Variants in ZBTB44 observed in about 807,000 individuals in gnomAD.
ZBTB44 encodes the protein zinc finger and BTB domain-containing protein 44.
ZBTB44 carries 15 observed loss-of-function variants against 54.0 expected under a neutral mutation model. The ratio of observed to expected loss-of-function variants is 0.28; its 90% CI spans 0.19 to 0.43. The LOEUF (loss-of-function observed/expected upper bound fraction) is 0.43. Ranked by LOEUF, ZBTB44 falls within the 20% of genes least tolerant of loss-of-function variation. The probability of loss-of-function intolerance (pLI) is 1.00; values close to 1 mark genes in which losing one functional copy is unlikely to be tolerated. For missense variants in ZBTB44, 487 were observed against 707.1 expected, an observed-to-expected ratio of 0.69 and a Z score of 3.53; for synonymous variants, 230 against 250.1, an observed-to-expected ratio of 0.92 and a Z score of 0.76.
At chr11:130,273,740 C>T (rs1038985959) in intron 1 of ZBTB44, among the ~76,000 whole-genome samples, 4 of 152,102 alleles carry the variant, frequency 2.6e-5, no homozygotes, top group Non-Finnish European at 4.4e-5. Flanking sequence ...GAATTCCTTA[C>T]GATTTTCTAT....
intron 1 of ZBTB44, among the ~76,000 whole-genome samples, chr11:130,271,342 C>A (rs1939655629): frequency 6.6e-6 from 1 of 152,144 alleles, no homozygotes; most frequent in South Asian, 2.1e-4. Context: ...CTCAAAAAAA[C>A]TATAAACTCA....
intron 3 of ZBTB44, chr11:130,239,337 G>C (rs1255268632): frequency 6.5e-6 from 1 of 153,376 alleles, no homozygotes. Flanking sequence ...CATTTATGTG[G>C]AAATATCAAG....
In ZBTB44 at chr11:130,231,311, T is replaced by C. The variant is rs914697867; in HGVS notation, c.*453A>G. 1 of 152,048 alleles carries C rather than the reference T, an allele frequency of 6.6e-6. No homozygotes were observed. The highest frequency in any genetic ancestry group is 2.4e-5 in the African/African-American group (1 of 41,416). 9.4% of individuals were successfully genotyped at this position (152,048 alleles called of 1,614,324 possible). ...CAAGAAAAATGTACCCTCACTGAAA[T>C]AGAAAAAGGCCTTTATTTGTATCAT... is the stretch of plus-strand genomic sequence containing the variant. On this transcript the variant is annotated 3_prime_UTR_variant, in exon 8 of 8. Transcript: ENST00000357899.
chr11:130,313,964 A>ATTTTT (rs1234089945), intron 1 of ZBTB44, among the ~76,000 whole-genome samples: 1,186 of 99,016 alleles, frequency 0.012, 16 homozygotes, highest in African/African-American at 0.04. Context: ...ATATATATAT[A>ATTTTT]TATTTTTTTA....
intron 1 of ZBTB44, among the ~76,000 whole-genome samples, chr11:130,268,069 C>CAAA (rs574966633): frequency 3.1e-5 from 2 of 65,002 alleles, no homozygotes; most frequent in Admixed American, 1.8e-4. Flanking sequence ...ACTCTGTCTA[C>CAAA]AAAAAAAAAA....
At chr11:130,278,524 CTTCT>C (rs1242988266) in intron 1 of ZBTB44, among the ~76,000 whole-genome samples, 6 of 152,174 alleles carry the variant, frequency 3.9e-5, no homozygotes, top group African/African-American at 1.4e-4. Flanking sequence ...CTATTGTTAT[CTTCT>C]TTCTCTTCCT....
chr11:130,296,691 G>C (rs1304779878), intron 1 of ZBTB44: 2 of 1,050,894 alleles, frequency 1.9e-6, no homozygotes, highest in East Asian at 4.9e-5. Flanking sequence ...TCCATTAAGT[G>C]AATTTGACTT....
intron 1 of ZBTB44, among the ~76,000 whole-genome samples, chr11:130,304,591 T>C (rs977130473): frequency 2.6e-5 from 4 of 152,134 alleles, no homozygotes; most frequent in African/African-American, 9.7e-5. Flanking sequence ...TACTGCTTTA[T>C]AATAAGAATA....
At chr11:130,245,387 TAAAGA>T (rs1402231723) in intron 2 of ZBTB44, among the ~76,000 whole-genome samples, 3 of 152,172 alleles carry the variant, frequency 2.0e-5, no homozygotes, top group Admixed American at 6.5e-5. Context: ...GTTTTTTCCT[TAAAGA>T]AAAGAAAAAT....
At chr11:130,251,532 G>C (rs1938003633) in intron 2 of ZBTB44, among the ~76,000 whole-genome samples, 1 of 152,176 alleles carries the variant, frequency 6.6e-6, no homozygotes, top group South Asian at 2.1e-4. Context: ...AAAATGTTAA[G>C]GGCAGCCAGA....
intron 1 of ZBTB44, among the ~76,000 whole-genome samples, chr11:130,300,354 A>T (rs1941924794): frequency 6.6e-6 from 1 of 152,192 alleles, no homozygotes; most frequent in Admixed American, 6.5e-5. Context: ...ACACACACAA[A>T]TCAATGGTCT....
Position 130,261,681 on chromosome 11 carries a change from C to T in ZBTB44, c.193G>A (p.Glu65Lys), listed in dbSNP as rs2136438453. Residue 65 changes from glutamate to lysine, a missense_variant, in exon 2 of 8, where the codon GAG becomes AAG. Physicochemically the swap from Glu to Lys is moderately conservative, Grantham distance 56. Transcript: ENST00000357899. The surrounding 1 kb of genome is among the most constrained non-coding windows in gnomAD (Gnocchi z 4.8). The stretch of plus-strand genomic sequence containing the variant: ...TCCAACACATTCTTGTTCTCATCCT[C>T]GGCTTGGCCTACAAGTTTGGTGCGA... Reference protein sequence around the residue: ...FFRTKLVGQAEDENKNVLDLH... With the variant: ...FFRTKLVGQAKDENKNVLDLH... The T allele has an allele frequency of 8.7e-6, 14 of 1,614,046 alleles. No homozygotes were observed. Among genetic ancestry groups the T allele is most frequent in the East Asian group, 4.5e-5 (2 of 44,882 alleles).
chr11:130,296,791 A>T (rs773483687), intron 1 of ZBTB44: 9 of 765,354 alleles, frequency 1.2e-5, no homozygotes, highest in Admixed American at 3.5e-5. Flanking sequence ...CAGGAAGCAT[A>T]TAAGTCATAC....
At chr11:130,242,534 A>G (rs1207305283) in intron 2 of ZBTB44, among the ~76,000 whole-genome samples, 3 of 88,282 alleles carry the variant, frequency 3.4e-5, no homozygotes, top group African/African-American at 5.8e-5. Context: ...TTTTGTTTGA[A>G]AACATATTTA....
At chr11:130,311,988 T>TGA (rs530368969) in intron 1 of ZBTB44, among the ~76,000 whole-genome samples, 3 of 152,166 alleles carry the variant, frequency 2.0e-5, no homozygotes, top group Admixed American at 6.5e-5. Context: ...TTAAAACCCA[T>TGA]GAGAGTCTGA....
rs1404818116 is a variant in ZBTB44 at position 130,303,532 on chromosome 11, G to GGCT, written c.-57+10840_-57+10842dup. On this transcript the variant is annotated intron_variant, in intron 1 of 7. Transcript: ENST00000357899. Reference sequence around the variant, plus strand: ...TGCCTGTAATCCCAGCTACTCGGGAGGCTGAGGCAGGAAAATTGCTTGAAG... The same window carrying GGCT: ...TGCCTGTAATCCCAGCTACTCGGGAGGCTGCTGAGGCAGGAAAATTGCTTGAAG... Among the ~76,000 whole-genome samples, 26 of 152,286 alleles carry GGCT rather than the reference G, an allele frequency of 1.7e-4. No homozygotes were observed. In the East Asian group the frequency reaches 5.0e-3, roughly 29 times the overall value.
At position 130,313,966 on chromosome 11, in the gene ZBTB44, A is replaced by ATATATATATTT. The variant is rs1160244728; in HGVS notation, c.-57+408_-57+409insAAATATATATA. 6.0e-4 allele frequency among the ~76,000 whole-genome samples: 70 copies of ATATATATATTT among 116,226 alleles called. 1 individual carries two copies. Among genetic ancestry groups the ATATATATATTT allele is most frequent in the African/African-American group, 1.9e-3 (67 of 35,384 alleles). The allele number at this position is 116,226 out of a possible 152,430, so 76.2% of individuals were successfully genotyped here. A position where few individuals can be genotyped will look rare whatever the true frequency, so the allele number is the denominator to read the frequency against. ...TGTGTGTGTATATATATATATATAT[A>ATATATATATTT]TTTTTTTAAAGAAGTGCCATCTTTT... is the stretch of plus-strand genomic sequence containing the variant. On this transcript the variant is annotated intron_variant, in intron 1 of 7. Transcript: ENST00000357899.
intron 1 of ZBTB44, among the ~76,000 whole-genome samples, chr11:130,295,429 C>CA (rs1170405616): frequency 6.6e-6 from 1 of 151,640 alleles, no homozygotes; most frequent in Admixed American, 6.6e-5. Context: ...GGGACTGATA[C>CA]AAAAAAAGCA....
At chr11:130,292,317 T>C (rs1434898412) in intron 1 of ZBTB44, among the ~76,000 whole-genome samples, 2 of 152,226 alleles carry the variant, frequency 1.3e-5, no homozygotes, top group Non-Finnish European at 2.9e-5. Context: ...ATATGGCTTA[T>C]TATACTGCAG....
Sources: allele counts gnomAD v4.1 joint callset (sites outside exome capture counted in the v4.1 genomes callset), GRCh38; gene constraint gnomAD v4.1.1; non-coding constraint Gnocchi (gnomAD v3.1); transcripts MANE v1.5; gene names NCBI Gene and HGNC (gene_info 2026-07-23, HGNC 2026-07-21).